The following STX7 variants were observed in gnomAD, a reference collection of about 807,000 sequenced individuals.
The protein encoded by STX7 is syntaxin 7, also known as syntaxin-7.
STX7 carries 34 observed loss-of-function variants against 39.6 expected under a neutral mutation model. That is an observed-to-expected ratio of 0.86 (90% CI 0.65 to 1.14). STX7 has a LOEUF of 1.14. Among genes scored for constraint, STX7 ranks in the 50% most tolerant of loss-of-function variants. The pLI, the probability that STX7 is intolerant of heterozygous loss-of-function variation, is 0.00. For synonymous variants in STX7, 119 were observed against 99.1 expected, an observed-to-expected ratio of 1.20 and a Z score of -1.19; for missense variants, 284 against 310.4, an observed-to-expected ratio of 0.92 and a Z score of 0.64.
intron 2 of STX7, among the ~76,000 whole-genome samples, chr6:132,502,906 A>AC (rs1224117021): frequency 6.6e-6 from 1 of 152,136 alleles, no homozygotes; most frequent in Non-Finnish European, 1.5e-5. Flanking sequence ...CTAAAAAAAA[A>AC]AAAGAATATG....
At position 132,457,293 on chromosome 6, in the gene STX7, G is replaced by A. The variant is rs1774266384; in HGVS notation, c.*3465C>T. Reference sequence around the variant, plus strand: ...GTTTCCTACCTATCTTGTGACCTCAGTGAATGAGATGCTGCTTTATCCAAT... The same window carrying A: ...GTTTCCTACCTATCTTGTGACCTCAATGAATGAGATGCTGCTTTATCCAAT... On this transcript the variant is annotated 3_prime_UTR_variant, in exon 10 of 10. Transcript: ENST00000367941. 1 of 152,206 alleles carries A rather than the reference G, an allele frequency of 6.6e-6. No homozygotes were observed. Among genetic ancestry groups the A allele is most frequent in the South Asian group, 2.1e-4 (1 of 4,830 alleles). 9.4% of individuals were successfully genotyped at this position (152,206 alleles called of 1,614,324 possible). A position where few individuals can be genotyped will look rare whatever the true frequency, so the allele number is the denominator to read the frequency against.
At chr6:132,463,194 C>T (rs1034319609) in intron 9 of STX7, among the ~76,000 whole-genome samples, 1 of 151,908 alleles carries the variant, frequency 6.6e-6, no homozygotes, top group Admixed American at 6.6e-5. Context: ...GGCATCGGAG[C>T]CAGACTCTGT....
At chr6:132,505,725 A>G (rs1231682172) in intron 1 of STX7, among the ~76,000 whole-genome samples, 1 of 127,264 alleles carries the variant, frequency 7.9e-6, no homozygotes, top group East Asian at 2.6e-4. Context: ...TTTTAAATGC[A>G]TCTCCAAGTC....
chr6:132,496,182 T>C (rs1775416893), intron 2 of STX7, among the ~76,000 whole-genome samples: 1 of 152,170 alleles, frequency 6.6e-6, no homozygotes, highest in Non-Finnish European at 1.5e-5. Context: ...TTCTGATGAG[T>C]AGATTTTATG....
intron 1 of STX7, among the ~76,000 whole-genome samples, chr6:132,505,135 G>A (rs897910112): frequency 6.6e-6 from 1 of 152,198 alleles, no homozygotes; most frequent in Non-Finnish European, 1.5e-5. Flanking sequence ...CATTATTCTT[G>A]TTTTAATGAT....
At chr6:132,472,202 C>A (rs968064171) in intron 4 of STX7, 80 bp downstream of exon 4, 11 of 1,016,120 alleles carry the variant, frequency 1.1e-5, no homozygotes, top group Non-Finnish European at 1.6e-5. Flanking sequence ...TCCTTTCTAG[C>A]GTAACAGTTC....
chr6:132,476,185 C>A (rs1774869635), intron 2 of STX7, among the ~76,000 whole-genome samples: 1 of 152,068 alleles, frequency 6.6e-6, no homozygotes, highest in Admixed American at 6.6e-5. Context: ...ACACAGATGA[C>A]ATTAATTACA....
Position 132,450,189 on chromosome 6 carries a change from G to A in STX7, c.*10569C>T, listed in dbSNP as rs1270325568. 1.3e-5 allele frequency: 2 copies of A among 152,176 alleles called. No homozygotes were observed. Among genetic ancestry groups the A allele is most frequent in the African/African-American group, 4.8e-5 (2 of 41,444 alleles). 9.4% of individuals were successfully genotyped at this position (152,176 alleles called of 1,614,324 possible). On this transcript the variant is annotated 3_prime_UTR_variant, in exon 10 of 10. Transcript: ENST00000367941. ...GCCAGGAAATGAACTAATATTATGT[G>A]TGTTGTATTTTATCCAAGAACTAAC...
intron 8 of STX7, 81 bp downstream of exon 8, chr6:132,468,322 T>C: frequency 9.4e-7 from 1 of 1,067,004 alleles, no homozygotes; most frequent in Non-Finnish European, 1.4e-6. Context: ...AGAAAGTGGT[T>C]ACTCTTCTGT....
In STX7 at chr6:132,509,481, ACATAAC is replaced by A. The variant is rs1562343613; in HGVS notation, c.-59+3520_-59+3525del. ...ACATAACATAACATAACATAACATA[ACATAAC>A]ATAACATAACATAACATAACATAAC... On this transcript the variant is annotated intron_variant, in intron 1 of 9. Coordinates refer to ENST00000367941, the MANE Select transcript of STX7 (RefSeq NM_003569.3). 1.2e-4 allele frequency among the ~76,000 whole-genome samples: 14 copies of A among 114,250 alleles called. 2 individuals carry two copies. Among genetic ancestry groups the A allele is most frequent in the African/African-American group, 4.5e-4 (12 of 26,816 alleles). The allele number at this position is 114,250 out of a possible 152,430, so 75.0% of individuals were successfully genotyped here.
In STX7 at chr6:132,453,684, T is replaced by C. The variant is rs1774186606; in HGVS notation, c.*7074A>G. On this transcript the variant is annotated 3_prime_UTR_variant, in exon 10 of 10. Transcript: ENST00000367941. ...GCATATGAAACAAAGATGCTCAACA[T>C]CATTGCCATTAGCGAAGGGAAAATG... 6.6e-6 allele frequency: 1 copy of C among 151,932 alleles called. No individual in the cohort carries two copies. Among genetic ancestry groups the C allele is most frequent in the Admixed American group, 6.6e-5 (1 of 15,236 alleles). 9.4% of individuals were successfully genotyped at this position (151,932 alleles called of 1,614,324 possible).
Position 132,450,350 on chromosome 6 carries a change from G to A in STX7, c.*10408C>T, listed in dbSNP as rs538804468. ...TTCATTTTCTGTTTTGTGATATATT[G>A]GCATAAAGTTGTTTATAGTGTCTTA... On this transcript the variant is annotated 3_prime_UTR_variant, in exon 10 of 10. Coordinates refer to ENST00000367941, the MANE Select transcript of STX7 (RefSeq NM_003569.3). 8 of 152,036 alleles carry A rather than the reference G, an allele frequency of 5.3e-5. No homozygotes were observed. Among genetic ancestry groups the A allele is most frequent in the African/African-American group, 1.7e-4 (7 of 41,468 alleles). The allele number at this position is 152,036 out of a possible 1,614,324, so 9.4% of individuals were successfully genotyped here.
chr6:132,477,312 T>C (rs536947409), intron 2 of STX7, among the ~76,000 whole-genome samples: 25 of 152,258 alleles, frequency 1.6e-4, no homozygotes, highest in African/African-American at 6.0e-4. Context: ...GGGCTTTATT[T>C]TCTTAAGCGT....
At chr6:132,468,534 G>A in intron 7 of STX7, 59 bp from the exon 8 acceptor site, 1 of 1,431,132 alleles carries the variant, frequency 7.0e-7, no homozygotes, top group Non-Finnish European at 9.5e-7. Flanking sequence ...CCATAAAAGA[G>A]GAAAAATTTT....
chr6:132,481,201 G>C (rs1775008088), intron 2 of STX7, among the ~76,000 whole-genome samples: 1 of 152,094 alleles, frequency 6.6e-6, no homozygotes, highest in African/African-American at 2.4e-5. Flanking sequence ...GTTCACTGTA[G>C]AAAACAAAAG....
chr6:132,470,018 T>C lies in STX7; in HGVS notation c.470A>G (p.Asp157Gly). 6.3e-7 allele frequency: 1 copy of C among 1,592,312 alleles called. No individual in the cohort carries two copies. ...SQTQPQVQVQ[D>G]EEITEDDLRL... ...GAGGTCATCCTCTGTAATTTCTTCA[T>C]CCTGCACCTGCACTTGAGGTTGAGT... Residue 157 changes from aspartate to glycine, a missense_variant, in exon 7 of 10, where the codon GAT (aspartate) becomes GGT (glycine). Coordinates refer to ENST00000367941, the MANE Select transcript of STX7 (RefSeq NM_003569.3).
rs1339009902 is a variant in STX7, at chr6:132,450,843, G to A, written c.*9915C>T. 6.6e-6 allele frequency: 1 copy of A among 151,620 alleles called. No individual in the cohort carries two copies. The highest frequency in any genetic ancestry group is 2.1e-4 in the South Asian group (1 of 4,818). 9.4% of individuals were successfully genotyped at this position (151,620 alleles called of 1,614,324 possible). ...GAGTCTCAAAAGAAAGAAGAAAGAA[G>A]GAAGACTGAAAAAGTTCTTGAAAAA... is the stretch of plus-strand genomic sequence containing the variant. On this transcript the variant is annotated 3_prime_UTR_variant, in exon 10 of 10. Coordinates refer to ENST00000367941, the MANE Select transcript of STX7 (RefSeq NM_003569.3).
At chr6:132,511,536 T>C in intron 1 of STX7, among the ~76,000 whole-genome samples, 1 of 152,230 alleles carries the variant, frequency 6.6e-6, no homozygotes, top group East Asian at 1.9e-4. Context: ...GAGCTACTTC[T>C]GGAATATAAA....
chr6:132,465,891 CCT>C (rs1208255991), intron 8 of STX7, among the ~76,000 whole-genome samples: 1 of 152,120 alleles, frequency 6.6e-6, no homozygotes, highest in East Asian at 1.9e-4. Context: ...CAGCAAACTT[CCT>C]CTCTCTCTTA....
Sources: allele counts gnomAD v4.1 joint callset (sites outside exome capture counted in the v4.1 genomes callset), GRCh38; gene constraint gnomAD v4.1.1; transcripts MANE v1.5; gene names NCBI Gene and HGNC (gene_info 2026-07-23, HGNC 2026-07-21).